The following PTPRD variants were observed in gnomAD, a reference collection of about 807,000 sequenced individuals.
PTPRD encodes the protein receptor-type tyrosine-protein phosphatase delta.
In PTPRD, 34 loss-of-function variants were observed where a neutral mutation model predicts 214.5. The observed-to-expected ratio is 0.16, with a 90% CI of 0.12 to 0.21. The LOEUF is 0.21. Among genes scored for constraint, PTPRD ranks in the 10% least tolerant of loss-of-function variants. PTPRD has a pLI of 1.00. For synonymous variants in PTPRD, 1,128 were observed against 845.7 expected (o/e 1.33, Z -5.79); for missense variants, 2,545 against 2,398.7 (o/e 1.06, Z -1.27).
At chr9:9,043,709 G>T (rs2099654074) in intron 10 of PTPRD, among the ~76,000 whole-genome samples, 1 of 151,960 alleles carries the variant, frequency 6.6e-6, no homozygotes, top group Non-Finnish European at 1.5e-5. Flanking sequence ...TTTGACACCA[G>T]CCTTGCCAAG....
chr9:10,351,366 A>T (rs556232828), intron 2 of PTPRD, among the ~76,000 whole-genome samples: 1 of 152,084 alleles, frequency 6.6e-6, no homozygotes, highest in Non-Finnish European at 1.5e-5. Context: ...ACACTAACCA[A>T]TCTGTTTCTT....
At chr9:8,593,743 C>G (rs917440473) in intron 14 of PTPRD, among the ~76,000 whole-genome samples, 3 of 152,162 alleles carry the variant, frequency 2.0e-5, no homozygotes, top group Non-Finnish European at 2.9e-5. Context: ...GAAAATGCAA[C>G]TTCTAAAACC....
intron 9 of PTPRD, among the ~76,000 whole-genome samples, chr9:9,192,161 G>C (rs563109539): frequency 6.6e-6 from 1 of 152,036 alleles, no homozygotes; most frequent in African/African-American, 2.4e-5. Context: ...TCAATATCAG[G>C]AATCTAGGAC....
intron 36 of PTPRD, among the ~76,000 whole-genome samples, chr9:8,395,258 C>T (rs368123401): frequency 6.6e-6 from 1 of 152,072 alleles, no homozygotes; most frequent in Non-Finnish European, 1.5e-5. Flanking sequence ...TCTACTCCAA[C>T]GCACAAACGA....
intron 12 of PTPRD, among the ~76,000 whole-genome samples, chr9:8,724,830 A>C (rs1051383747): frequency 3.9e-5 from 6 of 151,984 alleles, no homozygotes; most frequent in African/African-American, 1.4e-4. Context: ...CCCAGCTACT[A>C]GTGATGCTGA....
intron 12 of PTPRD, among the ~76,000 whole-genome samples, chr9:8,731,257 T>C (rs2098655305): frequency 6.6e-6 from 1 of 152,202 alleles, no homozygotes; most frequent in South Asian, 2.1e-4. Flanking sequence ...GAGTGGTTTC[T>C]TTCCATTCCC....
intron 35 of PTPRD, among the ~76,000 whole-genome samples, chr9:8,413,911 GAAA>G (rs536397070): frequency 6.6e-6 from 1 of 151,500 alleles, no homozygotes; most frequent in African/African-American, 2.4e-5. Context: ...TTAAATATTA[GAAA>G]AAAAATCAGT....
intron 4 of PTPRD, among the ~76,000 whole-genome samples, chr9:9,978,717 A>C (rs1588015790): frequency 6.7e-6 from 1 of 149,990 alleles, no homozygotes; most frequent in South Asian, 2.1e-4. Flanking sequence ...TTAAGGAAAG[A>C]AAGCACACTA....
intron 8 of PTPRD, among the ~76,000 whole-genome samples, chr9:9,432,667 A>T (rs2083659316): frequency 6.6e-6 from 1 of 152,248 alleles, no homozygotes; most frequent in South Asian, 2.1e-4. Flanking sequence ...AACAGAAATT[A>T]GCTATTTAGA....
At chr9:10,182,187 G>C (rs1348444083) in intron 3 of PTPRD, among the ~76,000 whole-genome samples, 2 of 146,344 alleles carry the variant, frequency 1.4e-5, no homozygotes, top group African/African-American at 5.1e-5. Context: ...TTGAACTAGG[G>C]AGGCAGAGGT....
chr9:8,729,225 A>T (rs1482988992), intron 12 of PTPRD, among the ~76,000 whole-genome samples: 1 of 152,154 alleles, frequency 6.6e-6, no homozygotes. Context: ...AGCCAAATTA[A>T]TTTTAAATGT....
intron 10 of PTPRD, among the ~76,000 whole-genome samples, chr9:9,179,729 A>T (rs1217154702): frequency 6.6e-6 from 1 of 152,070 alleles, no homozygotes; most frequent in Non-Finnish European, 1.5e-5. Flanking sequence ...ATCTAGTTAG[A>T]TGGTTTTGAT....
At chr9:8,653,363 T>C (rs1275016290) in intron 12 of PTPRD, among the ~76,000 whole-genome samples, 1 of 152,174 alleles carries the variant, frequency 6.6e-6, no homozygotes, top group Non-Finnish European at 1.5e-5. Context: ...TACTTTTACT[T>C]AGACTGGATT....
intron 9 of PTPRD, among the ~76,000 whole-genome samples, chr9:9,210,042 G>A (rs2099947510): frequency 1.3e-5 from 2 of 152,060 alleles, no homozygotes; most frequent in African/African-American, 4.8e-5. Context: ...CTTTTATAAT[G>A]AGCCTTTCCA....
At chr9:9,890,171 G>A (rs1301738211) in intron 5 of PTPRD, among the ~76,000 whole-genome samples, 1 of 151,852 alleles carries the variant, frequency 6.6e-6, no homozygotes, top group Non-Finnish European at 1.5e-5. Flanking sequence ...CTCCTCACTA[G>A]TAAATTAAGG....
intron 9 of PTPRD, among the ~76,000 whole-genome samples, chr9:9,325,590 G>A (rs974046374): frequency 6.6e-6 from 1 of 152,086 alleles, no homozygotes; most frequent in African/African-American, 2.4e-5. Context: ...AGGAGATTTT[G>A]GGCTGAGACA....
At chr9:9,937,649 G>C (rs1268703361) in intron 5 of PTPRD, among the ~76,000 whole-genome samples, 5 of 152,174 alleles carry the variant, frequency 3.3e-5, no homozygotes, top group Admixed American at 2.6e-4. Flanking sequence ...CTTATTACAT[G>C]TTTCTTGTAT....
chr9:8,647,951 T>TC (rs1386881592), intron 12 of PTPRD, among the ~76,000 whole-genome samples: 1 of 152,180 alleles, frequency 6.6e-6, no homozygotes, highest in Non-Finnish European at 1.5e-5. Flanking sequence ...ATTCCTCCAT[T>TC]CCAGTTGCCA....
rs1823077405 is a variant in PTPRD at position 8,317,962 on chromosome 9, G to A, written c.5671-20C>T. 1.2e-6 allele frequency: 2 copies of A among 1,607,302 alleles called. No individual in the cohort carries two copies. On this transcript the variant is annotated intron_variant, in intron 45 of 45. Transcript: ENST00000381196. ...TTGATCCTGCAGGAGACAATGAATG[G>A]GGAGAAGCAAAAGAAGGGACCATGA...
Sources: allele counts gnomAD v4.1 joint callset (sites outside exome capture counted in the v4.1 genomes callset), GRCh38; gene constraint gnomAD v4.1.1; transcripts MANE v1.5; gene names NCBI Gene and HGNC (gene_info 2026-07-23, HGNC 2026-07-21).